The following NFIB variants were observed in gnomAD, a reference collection of about 807,000 sequenced individuals.
NFIB encodes nuclear factor 1 B-type.
Under a neutral mutation model 61.5 loss-of-function variants are expected in NFIB, and 11 were observed. The ratio of observed to expected loss-of-function variants is 0.18; its 90% confidence interval spans 0.11 to 0.30. NFIB has a LOEUF of 0.30. Ranked by LOEUF, NFIB falls within the 10% of genes least tolerant of loss-of-function variation. NFIB has a pLI of 1.00. For missense variants in NFIB, 471 were observed against 608.9 expected (o/e 0.77, Z 2.38); for synonymous variants, 260 against 216.5 (o/e 1.20, Z -1.76).
At chr9:14,530,160 C>T in the NFIB span, among the ~76,000 whole-genome samples, 1 of 152,226 alleles carries the variant, frequency 6.6e-6, no homozygotes, top group East Asian at 1.9e-4. Flanking sequence ...CGTAAAATGA[C>T]AGTTAAGAGG....
chr9:14,251,981 T>C (rs527571932), intron 2 of NFIB, among the ~76,000 whole-genome samples: 2 of 152,198 alleles, frequency 1.3e-5, no homozygotes, highest in South Asian at 4.1e-4. Context: ...ATTCTTTGCA[T>C]GGTAGTAAGA....
chr9:14,188,982 G>A (rs2047659752), intron 2 of NFIB, among the ~76,000 whole-genome samples: 1 of 152,136 alleles, frequency 6.6e-6, no homozygotes, highest in African/African-American at 2.4e-5. Flanking sequence ...TAAAACAAAT[G>A]CAATGTTTAT....
chr9:14,320,363 C>T (rs190527252), intron 1 of NFIB, among the ~76,000 whole-genome samples: 11 of 152,216 alleles, frequency 7.2e-5, no homozygotes, highest in Non-Finnish European at 1.5e-4. Context: ...GTACTTTTTC[C>T]TGTGTTCCTC....
chr9:14,405,106 G>C, the NFIB span, among the ~76,000 whole-genome samples: 1 of 152,186 alleles, frequency 6.6e-6, no homozygotes, highest in African/African-American at 2.4e-5. Flanking sequence ...CTTCAGGTCT[G>C]ATCCATAAAG....
Position 14,389,428 on chromosome 9 carries a change from T to A in NFIB, c.108+9096A>T, listed in dbSNP as rs1170770734. On this transcript the variant is annotated intron_variant, in intron 1 of 8. Transcript: ENST00000380934. ...CTTTTGAACATATTAAATAGATCCA[T>A]ATGCTTATCTATACTAAGATATAGA... Among the ~76,000 whole-genome samples, 3 of 152,284 alleles carry A rather than the reference T, an allele frequency of 2.0e-5. No homozygotes were observed. The South Asian group carries it at 6.2e-4, about 32-fold the overall frequency.
At chr9:14,365,843 C>G (rs577765376) in intron 1 of NFIB, among the ~76,000 whole-genome samples, 1 of 152,172 alleles carries the variant, frequency 6.6e-6, no homozygotes, top group Non-Finnish European at 1.5e-5. Flanking sequence ...TAACGTGAGA[C>G]CAAAAACTAT....
chr9:14,518,959 G>A, the NFIB span, among the ~76,000 whole-genome samples: 1 of 152,118 alleles, frequency 6.6e-6, no homozygotes, highest in Non-Finnish European at 1.5e-5. Context: ...GGAAAGTCCA[G>A]GCCCCAGTTG....
At chr9:14,182,708 C>CTCTCTGTGTGTG (rs778914837) in intron 2 of NFIB, among the ~76,000 whole-genome samples, 29 of 97,000 alleles carry the variant, frequency 3.0e-4, no homozygotes, top group African/African-American at 9.2e-4. Context: ...CTCTCTCTCT[C>CTCTCTGTGTGTG]TGTGTGTGTG....
intron 1 of NFIB, among the ~76,000 whole-genome samples, chr9:14,395,082 C>A (rs113279818): frequency 2.2e-3 from 328 of 152,096 alleles, no homozygotes; most frequent in Non-Finnish European, 3.7e-3. Flanking sequence ...TACATTTCTG[C>A]TTTTACTAGA....
chr9:14,498,418 G>A, the NFIB span, among the ~76,000 whole-genome samples: 4 of 152,184 alleles, frequency 2.6e-5, no homozygotes, highest in East Asian at 1.9e-4. Context: ...TGGGTAGCGT[G>A]GACAACCAGT....
Position 14,227,611 on chromosome 9 carries a change from A to T in NFIB, c.563-47831T>A, listed in dbSNP as rs189684089. Among the ~76,000 whole-genome samples the T allele has an allele frequency of 2.9e-3, 439 of 152,150 alleles. 4 individuals are homozygous for T. The highest frequency in any genetic ancestry group is 9.3e-3 in the African/African-American group (384 of 41,508). On this transcript the variant is annotated intron_variant, in intron 2 of 10. Transcript: ENST00000380953. The stretch of plus-strand genomic sequence containing the variant: ...ACGGTACTGTAATCATGGTTTTTTT[A>T]AAAAAAATTTATTTTCTCCAATGTT...
chr9:14,279,997 C>T (rs766776974), intron 2 of NFIB, among the ~76,000 whole-genome samples: 3 of 152,100 alleles, frequency 2.0e-5, no homozygotes, highest in Non-Finnish European at 1.5e-5. Flanking sequence ...CCATTCCAAT[C>T]GTATTAACTT....
the NFIB span, among the ~76,000 whole-genome samples, chr9:14,410,106 C>G: frequency 6.7e-6 from 1 of 149,912 alleles, no homozygotes; most frequent in South Asian, 2.2e-4. Flanking sequence ...GTCATTTTAA[C>G]ATTTAAAATT....
At chr9:14,167,015 T>A (rs536517276) in intron 3 of NFIB, among the ~76,000 whole-genome samples, 1 of 148,718 alleles carries the variant, frequency 6.7e-6, no homozygotes. Context: ...TCGTGGTTCT[T>A]GATCATATCC....
At chr9:14,410,198 CA>C in the NFIB span, among the ~76,000 whole-genome samples, 466 of 117,892 alleles carry the variant, frequency 4.0e-3, 1 homozygote, top group African/African-American at 0.01. Context: ...TACTATTTTC[CA>C]AAAAAAAAAA....
chr9:14,176,692 C>T (rs2046227829), intron 3 of NFIB, among the ~76,000 whole-genome samples: 1 of 152,056 alleles, frequency 6.6e-6, no homozygotes, highest in African/African-American at 2.4e-5. Context: ...TGTAGATGTC[C>T]ATACTATAGT....
intron 6 of NFIB, among the ~76,000 whole-genome samples, chr9:14,133,185 T>G (rs2040605838): frequency 6.6e-6 from 1 of 152,174 alleles, no homozygotes. Context: ...CATAGATTTT[T>G]TTTAAAAGAG....
chr9:14,419,384 G>C, the NFIB span, among the ~76,000 whole-genome samples: 2 of 151,706 alleles, frequency 1.3e-5, no homozygotes, highest in East Asian at 1.9e-4. Context: ...AGGGAGGGGA[G>C]GTTGCTGTGA....
chr9:14,158,233 T>G (rs186608272), intron 3 of NFIB, among the ~76,000 whole-genome samples: 18 of 152,198 alleles, frequency 1.2e-4, no homozygotes, highest in African/African-American at 4.3e-4. Flanking sequence ...ACTTTGTAAA[T>G]GCCTACCCTT....
Sources: gnomAD v4.1 joint callset for allele counts (sites outside exome capture counted in the v4.1 genomes callset) on GRCh38, gnomAD v4.1.1 for gene constraint, MANE v1.5 for transcripts, NCBI Gene and HGNC (gene_info 2026-07-23, HGNC 2026-07-21) for gene names.